The following CLEC16A variants were observed in gnomAD, a reference collection of about 807,000 sequenced individuals.
The protein encoded by CLEC16A is protein CLEC16A.
CLEC16A carries 51 observed loss-of-function variants against 109.5 expected under a neutral mutation model. The observed-to-expected ratio is 0.47, with a 90% CI of 0.37 to 0.59. The LOEUF is 0.59. Ranked by LOEUF, CLEC16A falls within the 20% of genes least tolerant of loss-of-function variation. The pLI is 0.00. For missense variants in CLEC16A, 1,339 were observed against 1,394.0 expected (o/e 0.96, Z 0.63); for synonymous variants, 673 against 564.2 (o/e 1.19, Z -2.73).
intron 13 of CLEC16A, among the ~76,000 whole-genome samples, chr16:11,038,122 G>A (rs978407910): frequency 8.5e-5 from 13 of 152,232 alleles, no homozygotes; most frequent in Non-Finnish European, 1.9e-4. Flanking sequence ...GTATGACTTA[G>A]CCTCTTTCTG....
intron 19 of CLEC16A, among the ~76,000 whole-genome samples, chr16:11,101,362 A>T (rs2050903235): frequency 6.6e-6 from 1 of 151,974 alleles, no homozygotes; most frequent in African/African-American, 2.4e-5. Context: ...TCTTCCTCAT[A>T]TCCCAGCCCC....
intron 18 of CLEC16A, among the ~76,000 whole-genome samples, chr16:11,054,441 G>T (rs536825068): frequency 1.3e-5 from 2 of 152,210 alleles, no homozygotes; most frequent in Non-Finnish European, 2.9e-5. Flanking sequence ...AGGTTCCCAG[G>T]GCTGTGCTGC....
chr16:11,158,020 C>G (rs1273732401), intron 22 of CLEC16A, among the ~76,000 whole-genome samples: 1 of 152,140 alleles, frequency 6.6e-6, no homozygotes, highest in East Asian at 1.9e-4. Flanking sequence ...AGCTGAAGTC[C>G]CAGACTTAGT....
intron 13 of CLEC16A, chr16:11,027,518 C>G: frequency 6.3e-7 from 1 of 1,576,192 alleles, no homozygotes; most frequent in Non-Finnish European, 8.6e-7. Context: ...GTAAGACCAT[C>G]CCTCTGACAG....
intron 22 of CLEC16A, chr16:11,157,318 C>T: frequency 1.0e-6 from 1 of 963,884 alleles, no homozygotes; most frequent in Non-Finnish European, 1.3e-6. Context: ...ACATCCCTTC[C>T]CCAGGTGCCT....
intron 1 of CLEC16A, among the ~76,000 whole-genome samples, chr16:10,950,592 C>T (rs2041678178): frequency 6.6e-6 from 1 of 152,218 alleles, no homozygotes; most frequent in South Asian, 2.1e-4. Context: ...TGAACACCTT[C>T]TCTAATCCTC....
intron 11 of CLEC16A, among the ~76,000 whole-genome samples, chr16:11,017,194 C>A (rs1157201721): frequency 1.3e-5 from 2 of 152,154 alleles, no homozygotes; most frequent in African/African-American, 4.8e-5. Context: ...CCACTCGGGC[C>A]CGCTGCCAAA....
Position 11,179,018 on chromosome 16 carries a change from C to G in CLEC16A, c.*328C>G, listed in dbSNP as rs933561452. 1 of 301,196 alleles carries G rather than the reference C, an allele frequency of 3.3e-6. No homozygotes were observed. The highest frequency in any genetic ancestry group is 1.2e-4 in the South Asian group (1 of 8,642). The allele number at this position is 301,196 out of a possible 1,614,324, so 18.7% of individuals were successfully genotyped here. The stretch of plus-strand genomic sequence containing the variant: ...GACCCACCGGCACCTCTTTCTTCCT[C>G]TGTCATATGGCTCCTCTGTCACCAG... On this transcript the variant is annotated 3_prime_UTR_variant, in exon 24 of 24. Transcript: ENST00000409790.
intron 16 of CLEC16A, 40 bp downstream of exon 16, chr16:11,044,112 A>G (rs201703736): frequency 2.4e-5 from 37 of 1,564,442 alleles, no homozygotes; most frequent in Admixed American, 5.5e-5. Context: ...CATGGTGTGT[A>G]TTGTAGAAAC....
chr16:11,023,488 C>T (rs1436189947), intron 12 of CLEC16A, among the ~76,000 whole-genome samples: 1 of 152,158 alleles, frequency 6.6e-6, no homozygotes, highest in Non-Finnish European at 1.5e-5. Flanking sequence ...GGTGGTGCCC[C>T]ATCTGGGGCT....
At chr16:11,037,995 T>A (rs983765394) in intron 13 of CLEC16A, among the ~76,000 whole-genome samples, 1 of 152,122 alleles carries the variant, frequency 6.6e-6, no homozygotes, top group Non-Finnish European at 1.5e-5. Flanking sequence ...CAAATTAAAT[T>A]TTCACTGCAA....
At chr16:11,002,680 C>T (rs2044740513) in intron 10 of CLEC16A, among the ~76,000 whole-genome samples, 1 of 152,176 alleles carries the variant, frequency 6.6e-6, no homozygotes, top group Non-Finnish European at 1.5e-5. Flanking sequence ...TCTCATTGTC[C>T]ATCATCCCAC....
At chr16:11,012,531 C>G (rs375572392) in intron 11 of CLEC16A, among the ~76,000 whole-genome samples, 4 of 129,776 alleles carry the variant, frequency 3.1e-5, no homozygotes, top group African/African-American at 5.8e-5. Flanking sequence ...GGAGGCGGAG[C>G]TTGTGGTGAG....
intron 19 of CLEC16A, among the ~76,000 whole-genome samples, chr16:11,085,055 G>C (rs2049935349): frequency 6.6e-6 from 1 of 152,188 alleles, no homozygotes; most frequent in Non-Finnish European, 1.5e-5. Flanking sequence ...GTCAGGCCTG[G>C]GGGAAGGGAG....
At chr16:10,994,325 A>G (rs1296635601) in intron 10 of CLEC16A, among the ~76,000 whole-genome samples, 1 of 152,184 alleles carries the variant, frequency 6.6e-6, no homozygotes, top group Non-Finnish European at 1.5e-5. Context: ...CCACAGCTCC[A>G]CGCGGCTCCT....
chr16:10,976,806 G>T (rs142252835), intron 7 of CLEC16A, among the ~76,000 whole-genome samples: 2 of 152,128 alleles, frequency 1.3e-5, no homozygotes, highest in Admixed American at 1.3e-4. Context: ...TCTGCATGTC[G>T]TCAGGGCCAC....
rs533265093 is a variant in CLEC16A, at chr16:11,176,485, C to T, written c.2807-1850C>T. On this transcript the variant is annotated intron_variant, in intron 23 of 23. Transcript: ENST00000409790. ...ACGGTGGTTCACACCTGTGCACATC[C>T]CAGCACTTTAAGAGGCCAAAGCAGA... Among the ~76,000 whole-genome samples the T allele has an allele frequency of 3.2e-3, 482 of 152,186 alleles. 5 individuals carry two copies. The highest frequency in any genetic ancestry group is 0.011 in the African/African-American group (455 of 41,506).
At position 10,973,652 on chromosome 16, in the gene CLEC16A, T is replaced by G. The variant is rs1310460193; in HGVS notation, c.728+591T>G. ...GGGGTGATCATGGCTCACTGCAGCCTTGACCTCCTAGGTTTAAGCATTCCT... is the reference window on the plus strand; with the variant it reads ...GGGGTGATCATGGCTCACTGCAGCCGTGACCTCCTAGGTTTAAGCATTCCT... On this transcript the variant is annotated intron_variant, in intron 7 of 23. Transcript: ENST00000409790. Among the ~76,000 whole-genome samples the G allele has an allele frequency of 2.0e-5, 3 of 150,904 alleles. No individual in the cohort carries two copies. The East Asian group carries it at 5.9e-4, about 30-fold the overall frequency.
Position 11,004,552 on chromosome 16 carries a change from G to A in CLEC16A, c.1303+1247G>A, listed in dbSNP as rs146979673. ...CCACAGCCCTGTCAGCAAGGACTGC[G>A]TGAGCTTCCCAGTCCAGGGCATCTG... On this transcript the variant is annotated intron_variant, in intron 11 of 23. Coordinates refer to ENST00000409790, the MANE Select transcript of CLEC16A (RefSeq NM_015226.3). 1.1e-4 allele frequency among the ~76,000 whole-genome samples: 16 copies of A among 152,270 alleles called. No individual in the cohort carries two copies. In the East Asian group the frequency reaches 1.9e-3, roughly 18 times the overall value.
Sources: allele counts gnomAD v4.1 joint callset (sites outside exome capture counted in the v4.1 genomes callset), GRCh38; gene constraint gnomAD v4.1.1; transcripts MANE v1.5; gene names NCBI Gene and HGNC (gene_info 2026-07-23, HGNC 2026-07-21).